NRP1: variants seen among roughly 807,000 people sequenced by gnomAD.
NRP1 encodes neuropilin 1.
Under a neutral mutation model 106.7 loss-of-function variants are expected in NRP1, and 35 were observed. That is an observed-to-expected ratio of 0.33 (90% CI 0.25 to 0.43). NRP1 has a LOEUF of 0.43. NRP1 is among the 20% of genes least tolerant of loss of function. The pLI is 1.00. For synonymous variants in NRP1, 437 were observed against 417.9 expected (o/e 1.05, Z -0.56); for missense variants, 1,024 against 1,170.4 (o/e 0.87, Z 1.83).
At chr10:33,226,335 C>G in intron 6 of NRP1, 46 bp from the exon 7 acceptor site, 1 of 1,600,360 alleles carries the variant, frequency 6.2e-7, no homozygotes, top group East Asian at 2.2e-5. Context: ...CCCTGCAGCA[C>G]AGTAACCCAA....
At chr10:33,280,548 C>G (rs1588910251) in intron 2 of NRP1, among the ~76,000 whole-genome samples, 2 of 152,272 alleles carry the variant, frequency 1.3e-5, no homozygotes, top group East Asian at 3.9e-4. Context: ...AATACAATTA[C>G]TTTCATGGAT....
chr10:33,190,670 C>T (rs1836340204), intron 13 of NRP1, among the ~76,000 whole-genome samples: 1 of 152,102 alleles, frequency 6.6e-6, no homozygotes, highest in Admixed American at 6.5e-5. Context: ...AGCAAATGCC[C>T]CCCTGGGGTA....
intron 6 of NRP1, among the ~76,000 whole-genome samples, chr10:33,228,450 T>C (rs1839853073): frequency 6.6e-6 from 1 of 152,214 alleles, no homozygotes; most frequent in Non-Finnish European, 1.5e-5. Context: ...TGAATTTTGC[T>C]TTCCAGTTGC....
chr10:33,209,665 CG>C (rs1838126703), intron 9 of NRP1, among the ~76,000 whole-genome samples: 1 of 151,550 alleles, frequency 6.6e-6, no homozygotes, highest in Non-Finnish European at 1.5e-5. Context: ...TCAGTAGAAA[CG>C]GGGTTTCACC....
At chr10:33,228,732 G>C (rs375098028) in intron 6 of NRP1, among the ~76,000 whole-genome samples, 2 of 152,136 alleles carry the variant, frequency 1.3e-5, no homozygotes, top group African/African-American at 2.4e-5. Flanking sequence ...ATCATTCAAC[G>C]CAAAATAATC....
intron 2 of NRP1, among the ~76,000 whole-genome samples, chr10:33,282,223 C>T (rs1174370097): frequency 6.6e-6 from 1 of 151,852 alleles, no homozygotes; most frequent in African/African-American, 2.4e-5. Flanking sequence ...TATTAGCGTG[C>T]AGCACTGAAT....
intron 13 of NRP1, among the ~76,000 whole-genome samples, chr10:33,188,910 A>AATATATATATATATAATATAT (rs1836207220): frequency 1.8e-5 from 2 of 111,358 alleles, no homozygotes; most frequent in Non-Finnish European, 3.5e-5. Context: ...CCCTGTCTTA[A>AATATATATATATATAATATAT]ATATATATAT....
Position 33,213,597 on chromosome 10 carries a change from C to A in NRP1, c.1403G>T (p.Arg468Leu). Residue 468 changes from arginine (R) to leucine (L), a missense_variant, in exon 9 of 17, where the codon CGC becomes CTC. This residue lies in a region of NRP1 where 562 missense variants were observed against 620.3 expected (regional missense o/e 0.91). Transcript: ENST00000374867. ...TGCGGGTGGAAGTGCCCAGCCAGAGCGACTGGTTACCAGGCGGATGTTTTC... is the reference window on the plus strand; with the variant it reads ...TGCGGGTGGAAGTGCCCAGCCAGAGAGACTGGTTACCAGGCGGATGTTTTC... ...MPENIRLVTS[R>L]SGWALPPAPH... is the part of the protein sequence containing the mutation. 1 of 1,614,054 alleles carries A rather than the reference C, an allele frequency of 6.2e-7. No individual in the cohort carries two copies. The highest frequency in any genetic ancestry group is 8.5e-7 in the Non-Finnish European group (1 of 1,180,020).
chr10:33,259,828 G>A (rs1051155781), intron 4 of NRP1, among the ~76,000 whole-genome samples: 6 of 152,054 alleles, frequency 3.9e-5, no homozygotes, highest in Non-Finnish European at 5.9e-5. Context: ...TAAAAGTGCT[G>A]ATCTACTATA....
intron 1 of NRP1, among the ~76,000 whole-genome samples, chr10:33,332,729 T>G (rs1406431701): frequency 6.6e-6 from 1 of 152,088 alleles, no homozygotes; most frequent in East Asian, 1.9e-4. Flanking sequence ...TCAGAGGAGG[T>G]GGACATGGCT....
intron 13 of NRP1, among the ~76,000 whole-genome samples, chr10:33,190,005 C>T (rs1836297360): frequency 6.6e-6 from 1 of 152,204 alleles, no homozygotes. Context: ...CCAAGTAAAT[C>T]TGGGTGGCTG....
rs777075770 is a variant in NRP1, at chr10:33,206,310, C to T, written c.1759+1262G>A. The T allele has an allele frequency of 1.3e-5, 7 of 519,004 alleles. No individual in the cohort carries two copies. In the Admixed American group the frequency reaches 1.4e-4, roughly 10 times the overall value. The allele number at this position is 519,004 out of a possible 1,614,324, so 32.1% of individuals were successfully genotyped here. A position where few individuals can be genotyped will look rare whatever the true frequency, so the allele number is the denominator to read the frequency against. ...TCTTCTTTTTCTTGGCATCCTTTGC[C>T]AAAGCCCTGGCACATGGACATTCTT... On this transcript the variant is annotated intron_variant, in intron 10 of 16. Coordinates refer to ENST00000374867, the MANE Select transcript of NRP1 (RefSeq NM_003873.7).
intron 6 of NRP1, among the ~76,000 whole-genome samples, chr10:33,246,326 A>G (rs554424382): frequency 5.9e-5 from 9 of 152,218 alleles, no homozygotes; most frequent in African/African-American, 2.2e-4. Context: ...TGGTCCCAGG[A>G]CAACATTAGG....
At chr10:33,242,483 C>A (rs534790116) in intron 6 of NRP1, among the ~76,000 whole-genome samples, 11 of 152,214 alleles carry the variant, frequency 7.2e-5, no homozygotes, top group Non-Finnish European at 1.0e-4. Flanking sequence ...GTTTAAATAA[C>A]CTGGCCAGTA....
intron 2 of NRP1, among the ~76,000 whole-genome samples, chr10:33,320,639 T>C (rs952745135): frequency 6.6e-6 from 1 of 152,216 alleles, no homozygotes; most frequent in Non-Finnish European, 1.5e-5. Context: ...TATGACCTAC[T>C]GTGGGTCACA....
chr10:33,275,524 C>T (rs939004823), intron 2 of NRP1, among the ~76,000 whole-genome samples: 4 of 151,636 alleles, frequency 2.6e-5, no homozygotes, highest in South Asian at 2.1e-4. Flanking sequence ...GCCGAGATGG[C>T]GCCACTGCAC....
At chr10:33,271,488 C>A (rs1167392275) in intron 2 of NRP1, among the ~76,000 whole-genome samples, 1 of 152,122 alleles carries the variant, frequency 6.6e-6, no homozygotes, top group African/African-American at 2.4e-5. Flanking sequence ...TAATTTCTCC[C>A]AAGAAAAAGT....
chr10:33,218,245 A>G (rs946922747), intron 8 of NRP1, among the ~76,000 whole-genome samples: 2 of 152,228 alleles, frequency 1.3e-5, no homozygotes, highest in Non-Finnish European at 2.9e-5. Flanking sequence ...TCAATCACCT[A>G]TAAAGCAGAA....
chr10:33,280,531 A>G lies in NRP1; in HGVS notation c.249-9675T>C, dbSNP rs144550143. ...GCCAACTTTCCACTGTTCTTCAGGG[A>G]AAAAAAAATACAATTACTTTCATGG... On this transcript the variant is annotated intron_variant, in intron 2 of 16. Coordinates refer to ENST00000374867, the MANE Select transcript of NRP1 (RefSeq NM_003873.7). 1.6e-3 allele frequency among the ~76,000 whole-genome samples: 238 copies of G among 151,556 alleles called. 1 individual carries two copies. The highest frequency in any genetic ancestry group is 5.4e-3 in the African/African-American group (225 of 41,348).
Sources: allele counts gnomAD v4.1 joint callset (sites outside exome capture counted in the v4.1 genomes callset), GRCh38; gene constraint gnomAD v4.1.1; regional missense constraint gnomAD v4.1.1; transcripts MANE v1.5; gene names NCBI Gene and HGNC (gene_info 2026-07-23, HGNC 2026-07-21).